Variants in STRA8 observed in about 807,000 individuals in gnomAD.
STRA8 encodes the protein stimulated by retinoic acid 8.
A neutral mutation model predicts 37.1 loss-of-function variants in STRA8; 18 were observed. The ratio of observed to expected loss-of-function variants is 0.48; its 90% confidence interval spans 0.34 to 0.72. The LOEUF is 0.72. Ranked by LOEUF, STRA8 falls within the 30% of genes least tolerant of loss-of-function variation. The probability of loss-of-function intolerance (pLI) is 0.01; values close to 1 mark genes in which losing one functional copy is unlikely to be tolerated. For synonymous variants in STRA8, 168 were observed against 162.9 expected (o/e 1.03, Z -0.24); for missense variants, 357 against 410.4 (o/e 0.87, Z 1.13).
At chr7:135,256,087 C>A (rs1258312037) in intron 8 of STRA8, among the ~76,000 whole-genome samples, 1 of 152,168 alleles carries the variant, frequency 6.6e-6, no homozygotes, top group East Asian at 1.9e-4. Context: ...TATACCTGAG[C>A]CACAAGGGGA....
At chr7:135,242,527 A>G (rs761600843) in intron 2 of STRA8, among the ~76,000 whole-genome samples, 1 of 152,246 alleles carries the variant, frequency 6.6e-6, no homozygotes, top group Non-Finnish European at 1.5e-5. Context: ...AGCACTAGCA[A>G]TTTGCTGAAC....
chr7:135,235,396 C>CTTTT (rs3039083), intron 1 of STRA8, among the ~76,000 whole-genome samples: 1 of 142,416 alleles, frequency 7.0e-6, no homozygotes, highest in Non-Finnish European at 1.5e-5. Context: ...TTATGAGTGG[C>CTTTT]TTTTTTTTTT....
chr7:135,237,720 C>T (rs561887021), intron 1 of STRA8, among the ~76,000 whole-genome samples: 22 of 152,126 alleles, frequency 1.4e-4, no homozygotes, highest in African/African-American at 4.8e-4. Flanking sequence ...GGTGAAACCC[C>T]GTCTCTACTA....
intron 7 of STRA8, among the ~76,000 whole-genome samples, 182 bp from the exon 8 acceptor site, chr7:135,254,932 G>C (rs1003105852): frequency 6.6e-6 from 1 of 152,144 alleles, no homozygotes; most frequent in African/African-American, 2.4e-5. Context: ...ATTTTCCAGG[G>C]GATTCCAGAC....
At position 135,246,288 on chromosome 7, in the gene STRA8, A is replaced by C; in HGVS notation, c.594-129A>C. ...GGGCCAGGGGCGTGCAGAGTCTGAGAAGTCTCAGCCCTGGTGAGCCGTGGC... is the reference window on the plus strand; with the variant it reads ...GGGCCAGGGGCGTGCAGAGTCTGAGCAGTCTCAGCCCTGGTGAGCCGTGGC... On this transcript the variant is annotated intron_variant, in intron 5 of 8. Coordinates refer to ENST00000662584, the MANE Select transcript of STRA8 (RefSeq NM_001394401.1). The surrounding 1 kb of genome is among the most constrained non-coding windows in gnomAD (Gnocchi z 5.4). 8.2e-7 allele frequency: 1 copy of C among 1,226,720 alleles called. No homozygotes were observed. The highest frequency in any genetic ancestry group is 1.2e-6 in the Non-Finnish European group (1 of 862,914). 76.0% of individuals were successfully genotyped at this position (1,226,720 alleles called of 1,614,324 possible). A position where few individuals can be genotyped will look rare whatever the true frequency, so the allele number is the denominator to read the frequency against.
chr7:135,240,761 G>A, intron 2 of STRA8, 45 bp downstream of exon 2: 8 of 1,603,672 alleles, frequency 5.0e-6, no homozygotes, highest in East Asian at 2.2e-5. Context: ...CACGGGGAAG[G>A]AGACGTTTTC....
intron 6 of STRA8, among the ~76,000 whole-genome samples, chr7:135,249,169 G>A (rs745806443): frequency 1.3e-5 from 2 of 152,168 alleles, no homozygotes; most frequent in Non-Finnish European, 2.9e-5. Flanking sequence ...TGATAATGGA[G>A]CATATATGGA....
At chr7:135,250,500 AAGAG>A (rs2117816674) in intron 6 of STRA8, among the ~76,000 whole-genome samples, 1 of 152,296 alleles carries the variant, frequency 6.6e-6, no homozygotes, top group African/African-American at 2.4e-5. Flanking sequence ...CCGGAAAACT[AAGAG>A]AGGGGCCAGA....
chr7:135,235,396 C>CTT lies in STRA8; in HGVS notation c.-7+1504_-7+1505dup, dbSNP rs3039083. ...CCCCACTTCTATTGGTTATGAGTGG[C>CTT]TTTTTTTTTTTTATTGCTCCAGATA... On this transcript the variant is annotated intron_variant, in intron 1 of 8. Transcript: ENST00000662584. Among the ~76,000 whole-genome samples, 683 of 142,368 alleles carry CTT rather than the reference C, an allele frequency of 4.8e-3. 3 individuals carry two copies. Among genetic ancestry groups the CTT allele is most frequent in the African/African-American group, 0.011 (439 of 38,324 alleles). 93.4% of individuals were successfully genotyped at this position (142,368 alleles called of 152,430 possible).
chr7:135,247,549 C>T (rs577783314), intron 6 of STRA8, among the ~76,000 whole-genome samples: 29 of 152,246 alleles, frequency 1.9e-4, no homozygotes, highest in Non-Finnish European at 3.4e-4. Flanking sequence ...AGAACTTTTC[C>T]GGAACCGCTC....
chr7:135,258,295 G>A (rs1413728417), intron 8 of STRA8, 123 bp from the exon 9 acceptor site: 1 of 701,334 alleles, frequency 1.4e-6, no homozygotes. Flanking sequence ...TGAAAATGCA[G>A]CGGAAGAGAC....
rs772858043 is a variant in STRA8, at chr7:135,258,471, C to T, written c.1119C>T (p.Thr373=). The T allele has an allele frequency of 1.2e-6, 2 of 1,604,050 alleles. No homozygotes were observed. The highest frequency in any genetic ancestry group is 1.7e-6 in the Non-Finnish European group (2 of 1,175,026). ...EEMIMLQCTE[T]FDDEDL is the part of the protein sequence containing the mutation. Reference sequence around the variant, plus strand: ...TGATCATGTTGCAGTGCACAGAGACCTTTGACGATGAAGATTTGTAATGCA... The same window carrying T: ...TGATCATGTTGCAGTGCACAGAGACTTTTGACGATGAAGATTTGTAATGCA... The change falls in exon 9 of 9, where the codon ACC becomes ACT. Residue 373 remains threonine (T), a synonymous_variant. Transcript: ENST00000662584.
chr7:135,244,279 A>C (rs546137153), intron 4 of STRA8, among the ~76,000 whole-genome samples: 1 of 152,320 alleles, frequency 6.6e-6, no homozygotes, highest in South Asian at 2.1e-4. Context: ...AGCTGGTCTC[A>C]AACTCTGACC....
At position 135,258,557 on chromosome 7, in the gene STRA8, G is replaced by A. The variant is rs1832735758; in HGVS notation, c.*65G>A. 1 of 1,422,146 alleles carries A rather than the reference G, an allele frequency of 7.0e-7. No homozygotes were observed. Among genetic ancestry groups the A allele is most frequent in the South Asian group, 1.3e-5 (1 of 79,562 alleles). The allele number at this position is 1,422,146 out of a possible 1,614,324, so 88.1% of individuals were successfully genotyped here. A position where few individuals can be genotyped will look rare whatever the true frequency, so the allele number is the denominator to read the frequency against. ...GGGCAGTTCCCAAGGTTGAATGCTG[G>A]CAGCTAAGGTTGCACCTGCCTTGGC... On this transcript the variant is annotated 3_prime_UTR_variant, in exon 9 of 9. Coordinates refer to ENST00000662584, the MANE Select transcript of STRA8 (RefSeq NM_001394401.1).
chr7:135,240,113 G>A (rs534951035), intron 1 of STRA8, among the ~76,000 whole-genome samples: 9 of 152,210 alleles, frequency 5.9e-5, no homozygotes, highest in South Asian at 4.2e-4. Context: ...CCTTGGCCAC[G>A]CGTAAAATTA....
intron 6 of STRA8, among the ~76,000 whole-genome samples, chr7:135,249,116 T>C (rs932905944): frequency 6.6e-6 from 1 of 152,138 alleles, no homozygotes; most frequent in African/African-American, 2.4e-5. Context: ...TAAAGATGTT[T>C]TGGGCAACAA....
chr7:135,253,894 G>C (rs1223326071), intron 7 of STRA8, among the ~76,000 whole-genome samples: 1 of 152,162 alleles, frequency 6.6e-6, no homozygotes, highest in Non-Finnish European at 1.5e-5. Flanking sequence ...CCTCTCAAGG[G>C]GAGCCTGGCC....
chr7:135,256,805 GACA>G (rs926894970), intron 8 of STRA8, among the ~76,000 whole-genome samples: 5 of 152,134 alleles, frequency 3.3e-5, no homozygotes, highest in South Asian at 2.1e-4. Flanking sequence ...ACTCTCTCCA[GACA>G]ACAACAACAA....
intron 4 of STRA8, 116 bp downstream of exon 4, chr7:135,243,526 C>A (rs1200577783): frequency 3.6e-6 from 3 of 839,128 alleles, no homozygotes; most frequent in Middle Eastern, 2.9e-4. Flanking sequence ...AGGGCTGCTG[C>A]TCACCATTCA....
Sources: gnomAD v4.1 joint callset for allele counts (sites outside exome capture counted in the v4.1 genomes callset) on GRCh38, gnomAD v4.1.1 for gene constraint, Gnocchi (gnomAD v3.1) non-coding constraint, MANE v1.5 for transcripts, NCBI Gene and HGNC (gene_info 2026-07-23, HGNC 2026-07-21) for gene names.